Variants in ARHGAP44 observed in about 807,000 individuals in gnomAD.
The protein encoded by ARHGAP44 is Rho GTPase activating protein 44.
A neutral mutation model predicts 106.8 loss-of-function variants in ARHGAP44; 43 were observed. The ratio of observed to expected loss-of-function variants is 0.40; its 90% CI spans 0.32 to 0.52. The LOEUF is 0.52. ARHGAP44 is among the 20% of genes least tolerant of loss of function. The pLI is 0.48. For synonymous variants in ARHGAP44, 439 were observed against 410.3 expected (o/e 1.07, Z -0.85); for missense variants, 866 against 1,050.5 (o/e 0.82, Z 2.43).
intron 1 of ARHGAP44, among the ~76,000 whole-genome samples, chr17:12,876,118 C>A (rs773577582): frequency 3.9e-5 from 6 of 152,186 alleles, no homozygotes; most frequent in East Asian, 3.9e-4. Context: ...CCACTCAGCT[C>A]TTTTTATCAG....
chr17:12,854,976 A>AT (rs1185053073), intron 1 of ARHGAP44, among the ~76,000 whole-genome samples: 1 of 151,458 alleles, frequency 6.6e-6, no homozygotes, highest in Non-Finnish European at 1.5e-5. Context: ...AAAAAAAAAA[A>AT]AAAAAAGAAG....
In ARHGAP44 at chr17:12,883,391, T is replaced by C. The variant is rs2036794617; in HGVS notation, c.54-11549T>C. Among the ~76,000 whole-genome samples the C allele has an allele frequency of 2.6e-5, 4 of 151,330 alleles. No individual in the cohort carries two copies. In the South Asian group the frequency reaches 8.3e-4, roughly 31 times the overall value. Reference sequence around the variant, plus strand: ...ATATTATTAGTTTCTTTTTTTATTGTTTTTTCTTCTAATTTATTGAAGTTT... The same window carrying C: ...ATATTATTAGTTTCTTTTTTTATTGCTTTTTCTTCTAATTTATTGAAGTTT... On this transcript the variant is annotated intron_variant, in intron 1 of 20. Transcript: ENST00000379672.
chr17:12,972,708 C>T, intron 16 of ARHGAP44, among the ~76,000 whole-genome samples: 1 of 150,468 alleles, frequency 6.6e-6, no homozygotes, highest in South Asian at 2.1e-4. Context: ...GTCACCCAGG[C>T]TGGAGTGCAC....
At chr17:12,801,528 A>G (rs1454109604) in intron 1 of ARHGAP44, among the ~76,000 whole-genome samples, 1 of 152,228 alleles carries the variant, frequency 6.6e-6, no homozygotes, top group Non-Finnish European at 1.5e-5. Flanking sequence ...CTGTACTTTA[A>G]TGACTCTGCA....
chr17:12,973,516 G>C lies in ARHGAP44; in HGVS notation c.1541+197G>C. On this transcript the variant is annotated intron_variant, in intron 17 of 20. Coordinates refer to ENST00000379672, the MANE Select transcript of ARHGAP44 (RefSeq NM_014859.6). ...AGGCACAAGCAGCCCCTTCCCTGCT[G>C]TGTAGACAAGTGGGAGTGGCCTGCA... 4.9e-6 allele frequency: 3 copies of C among 616,410 alleles called. No homozygotes were observed. In the East Asian group the frequency reaches 8.3e-5, roughly 17 times the overall value. 38.2% of individuals were successfully genotyped at this position (616,410 alleles called of 1,614,324 possible). A position where few individuals can be genotyped will look rare whatever the true frequency, so the allele number is the denominator to read the frequency against.
At chr17:12,854,295 A>G (rs2035842549) in intron 1 of ARHGAP44, among the ~76,000 whole-genome samples, 1 of 152,176 alleles carries the variant, frequency 6.6e-6, no homozygotes. Flanking sequence ...TTGTACTGAG[A>G]GTGGCCTGAT....
At chr17:12,919,699 A>G (rs2038019175) in intron 5 of ARHGAP44, 56 bp from the exon 6 acceptor site, 1 of 1,520,912 alleles carries the variant, frequency 6.6e-7, no homozygotes, top group Non-Finnish European at 9.0e-7. Flanking sequence ...AATGGTTCCT[A>G]AAGAATTTAT....
chr17:12,932,134 T>C (rs2150969746), intron 7 of ARHGAP44, among the ~76,000 whole-genome samples: 1 of 152,336 alleles, frequency 6.6e-6, no homozygotes, highest in Middle Eastern at 3.4e-3. Context: ...ATTTTACATT[T>C]CAACCAGCAA....
At chr17:12,813,305 G>T (rs367884720) in intron 1 of ARHGAP44, among the ~76,000 whole-genome samples, 12 of 142,088 alleles carry the variant, frequency 8.4e-5, no homozygotes, top group East Asian at 4.0e-4. Flanking sequence ...GAGGTTTTTT[G>T]TTTTTTTTTT....
At chr17:12,797,290 G>A (rs1013513481) in intron 1 of ARHGAP44, among the ~76,000 whole-genome samples, 8 of 152,072 alleles carry the variant, frequency 5.3e-5, no homozygotes, top group African/African-American at 1.9e-4. Context: ...TCTCTAGTGT[G>A]TCAGTCATTG....
chr17:12,919,874 G>A, intron 6 of ARHGAP44, 43 bp downstream of exon 6: 1 of 1,548,716 alleles, frequency 6.5e-7, no homozygotes, highest in Non-Finnish European at 8.8e-7. Context: ...TGAAGGGACA[G>A]TGATCATATT....
intron 10 of ARHGAP44, among the ~76,000 whole-genome samples, chr17:12,946,337 T>C (rs1424949462): frequency 6.6e-6 from 1 of 152,074 alleles, no homozygotes; most frequent in Non-Finnish European, 1.5e-5. Flanking sequence ...CTCTGTAAGA[T>C]AGCGGATGTT....
At chr17:12,962,642 A>G (rs1449760499) in intron 16 of ARHGAP44, among the ~76,000 whole-genome samples, 1 of 152,206 alleles carries the variant, frequency 6.6e-6, no homozygotes, top group African/African-American at 2.4e-5. Context: ...ATTTGAAGAG[A>G]TGGCCACAAG....
At chr17:12,795,009 G>T (rs746685487) in intron 1 of ARHGAP44, among the ~76,000 whole-genome samples, 11 of 152,056 alleles carry the variant, frequency 7.2e-5, no homozygotes, top group Non-Finnish European at 1.6e-4. Context: ...AGGAAAATCA[G>T]AACCAATTCC....
intron 3 of ARHGAP44, among the ~76,000 whole-genome samples, chr17:12,901,226 G>C (rs1393496066): frequency 6.6e-6 from 1 of 152,020 alleles, no homozygotes; most frequent in Non-Finnish European, 1.5e-5. Context: ...ACCCGGCCAA[G>C]TTTGGCATTT....
intron 1 of ARHGAP44, among the ~76,000 whole-genome samples, chr17:12,851,093 G>A (rs3785729): frequency 0.28 from 43,273 of 152,124 alleles, 8,747 homozygotes; most frequent in African/African-American, 0.57. Context: ...TCAAGCATCA[G>A]CAGAATGTGA....
chr17:12,864,521 C>G (rs2036177484), intron 1 of ARHGAP44, among the ~76,000 whole-genome samples: 1 of 152,118 alleles, frequency 6.6e-6, no homozygotes, highest in Admixed American at 6.6e-5. Flanking sequence ...CACCAGCCTA[C>G]AAGAAATTGT....
intron 1 of ARHGAP44, among the ~76,000 whole-genome samples, chr17:12,893,625 G>A (rs754201687): frequency 6.6e-6 from 1 of 152,170 alleles, no homozygotes; most frequent in Non-Finnish European, 1.5e-5. Context: ...TACGGGCTTG[G>A]GTGGTTGTTA....
intron 1 of ARHGAP44, among the ~76,000 whole-genome samples, chr17:12,852,482 C>A (rs927983322): frequency 1.1e-4 from 17 of 148,684 alleles, no homozygotes; most frequent in African/African-American, 4.0e-4. Context: ...TTGCTTATAT[C>A]TTTTGTATTT....
Sources: gnomAD v4.1 joint callset for allele counts (sites outside exome capture counted in the v4.1 genomes callset) on GRCh38, gnomAD v4.1.1 for gene constraint, MANE v1.5 for transcripts, NCBI Gene and HGNC (gene_info 2026-07-23, HGNC 2026-07-21) for gene names.